The following CDH8 variants were observed in gnomAD, a reference collection of about 807,000 sequenced individuals.
The protein encoded by CDH8 is cadherin 8.
CDH8 carries 17 observed loss-of-function variants against 68.1 expected under a neutral mutation model. The ratio of observed to expected loss-of-function variants is 0.25; its 90% CI spans 0.17 to 0.37. The LOEUF is 0.37. CDH8 is among the 10% of genes least tolerant of loss of function. The probability of loss-of-function intolerance (pLI) is 1.00; values close to 1 mark genes in which losing one functional copy is unlikely to be tolerated. For missense variants in CDH8, 763 were observed against 999.3 expected, an observed-to-expected ratio of 0.76 and a Z score of 3.19; for synonymous variants, 372 against 365.1, an observed-to-expected ratio of 1.02 and a Z score of -0.21.
At chr16:61,844,512 T>C (rs1447385972) in intron 4 of CDH8, among the ~76,000 whole-genome samples, 1 of 152,252 alleles carries the variant, frequency 6.6e-6, no homozygotes, top group Non-Finnish European at 1.5e-5. Context: ...TTACTTTAGA[T>C]GACAGTCCTC....
At chr16:61,961,325 A>G (rs78698290) in intron 2 of CDH8, among the ~76,000 whole-genome samples, 1 of 152,034 alleles carries the variant, frequency 6.6e-6, no homozygotes, top group Non-Finnish European at 1.5e-5. Flanking sequence ...AAAAAAAAAA[A>G]GAACATGAAT....
At chr16:61,839,536 TA>T (rs1210105974) in intron 4 of CDH8, among the ~76,000 whole-genome samples, 6 of 152,264 alleles carry the variant, frequency 3.9e-5, no homozygotes, top group African/African-American at 1.2e-4. Context: ...AGACAGATGA[TA>T]AATGAATTAA....
intron 2 of CDH8, among the ~76,000 whole-genome samples, chr16:61,911,312 A>T (rs148461890): frequency 6.6e-6 from 1 of 152,252 alleles, no homozygotes; most frequent in African/African-American, 2.4e-5. Context: ...GCGATTACTA[A>T]CTAAATGAGA....
At chr16:61,891,143 G>A (rs954312871) in intron 3 of CDH8, among the ~76,000 whole-genome samples, 2 of 152,008 alleles carry the variant, frequency 1.3e-5, no homozygotes, top group African/African-American at 4.8e-5. Flanking sequence ...GATCAGGGAT[G>A]TGGAATTATC....
At chr16:62,015,005 C>A (rs1455234552) in intron 2 of CDH8, among the ~76,000 whole-genome samples, 2 of 151,260 alleles carry the variant, frequency 1.3e-5, no homozygotes, top group East Asian at 2.0e-4. Flanking sequence ...GTTACATATA[C>A]CCCCCCACCA....
intron 4 of CDH8, among the ~76,000 whole-genome samples, chr16:61,836,080 G>T (rs1962562062): frequency 6.6e-6 from 1 of 151,858 alleles, no homozygotes; most frequent in Non-Finnish European, 1.5e-5. Flanking sequence ...TAATTGAATT[G>T]ATCTTATCCC....
chr16:61,727,292 T>A lies in CDH8; in HGVS notation c.1415-77A>T, dbSNP rs755267462. The stretch of plus-strand genomic sequence containing the variant: ...GCAACTCAACTTTCTCTTGAAAGCA[T>A]GTGTGTCTGTTTCCAACTTCCCTTA... On this transcript the variant is annotated intron_variant, in intron 8 of 11. Transcript: ENST00000577390. 1.4e-4 allele frequency: 200 copies of A among 1,427,312 alleles called. 1 individual carries two copies. Among genetic ancestry groups the A allele is most frequent in the Non-Finnish European group, 1.8e-4 (187 of 1,050,164 alleles). 88.4% of individuals were successfully genotyped at this position (1,427,312 alleles called of 1,614,324 possible).
chr16:61,983,311 A>G (rs2150584036), intron 2 of CDH8, among the ~76,000 whole-genome samples: 2 of 152,374 alleles, frequency 1.3e-5, no homozygotes, highest in South Asian at 4.1e-4. Flanking sequence ...AAGAATGGCA[A>G]GGCAATACCA....
At position 61,650,398 on chromosome 16, in the gene CDH8, G is replaced by C. The variant is rs1254978391; in HGVS notation, c.*3210C>G. ...AGAGGGAGATAACTTTGTCTCACTTGGCTCCAACTTAATCATTCTTCTCTA... is the reference window on the plus strand; with the variant it reads ...AGAGGGAGATAACTTTGTCTCACTTCGCTCCAACTTAATCATTCTTCTCTA... On this transcript the variant is annotated 3_prime_UTR_variant, in exon 12 of 12. Coordinates refer to ENST00000577390, the MANE Select transcript of CDH8 (RefSeq NM_001796.5). 1 of 152,006 alleles carries C rather than the reference G, an allele frequency of 6.6e-6. No individual in the cohort carries two copies. The highest frequency in any genetic ancestry group is 2.4e-5 in the African/African-American group (1 of 41,410). The allele number at this position is 152,006 out of a possible 1,614,324, so 9.4% of individuals were successfully genotyped here.
chr16:61,923,064 G>C (rs1409732778), intron 2 of CDH8, among the ~76,000 whole-genome samples: 1 of 152,078 alleles, frequency 6.6e-6, no homozygotes, highest in Non-Finnish European at 1.5e-5. Flanking sequence ...TCTAACAGTT[G>C]AGAAATGAAT....
intron 2 of CDH8, among the ~76,000 whole-genome samples, chr16:61,969,430 G>C (rs1001047261): frequency 6.6e-6 from 1 of 152,138 alleles, no homozygotes; most frequent in African/African-American, 2.4e-5. Context: ...TGAAATCCAT[G>C]ACAGAATATC....
chr16:61,702,749 A>G (rs2142851908), intron 10 of CDH8, among the ~76,000 whole-genome samples: 1 of 152,348 alleles, frequency 6.6e-6, no homozygotes, highest in South Asian at 2.1e-4. Flanking sequence ...TACTGAGCAA[A>G]TGTTCTGGGA....
At chr16:61,690,935 T>C (rs1044599917) in intron 10 of CDH8, among the ~76,000 whole-genome samples, 4 of 151,940 alleles carry the variant, frequency 2.6e-5, no homozygotes, top group African/African-American at 9.7e-5. Context: ...TTACTCAAAA[T>C]CTCCCTGAGT....
intron 7 of CDH8, among the ~76,000 whole-genome samples, chr16:61,809,217 C>T (rs1243188521): frequency 6.6e-6 from 1 of 150,694 alleles, no homozygotes. Context: ...TAAAAAAAAA[C>T]AAAAAAAGTA....
chr16:61,889,085 A>G (rs921621830), intron 3 of CDH8, among the ~76,000 whole-genome samples: 5 of 152,148 alleles, frequency 3.3e-5, no homozygotes, highest in Non-Finnish European at 5.9e-5. Context: ...TAGGATGGGG[A>G]TGTATATGAG....
intron 10 of CDH8, among the ~76,000 whole-genome samples, chr16:61,662,783 G>A (rs1209591430): frequency 1.3e-5 from 2 of 151,764 alleles, no homozygotes; most frequent in Non-Finnish European, 2.9e-5. Context: ...TAAATACTAT[G>A]CCATTTTATG....
chr16:61,819,834 A>C (rs767071007), intron 6 of CDH8, among the ~76,000 whole-genome samples: 2 of 152,072 alleles, frequency 1.3e-5, no homozygotes, highest in Non-Finnish European at 2.9e-5. Context: ...TCCACCAACT[A>C]CCTTATTTGA....
chr16:61,657,286 A>G (rs1286337407), intron 10 of CDH8, among the ~76,000 whole-genome samples: 1 of 152,132 alleles, frequency 6.6e-6, no homozygotes, highest in African/African-American at 2.4e-5. Context: ...CCAAAAATTG[A>G]TAGCCATTCT....
intron 2 of CDH8, among the ~76,000 whole-genome samples, chr16:61,919,521 GA>G (rs936578461): frequency 5.4e-5 from 8 of 148,836 alleles, no homozygotes; most frequent in African/African-American, 2.0e-4. Flanking sequence ...GAAGAATGCA[GA>G]AGCCTCAGGA....
Sources: allele counts gnomAD v4.1 joint callset (sites outside exome capture counted in the v4.1 genomes callset), GRCh38; gene constraint gnomAD v4.1.1; transcripts MANE v1.5; gene names NCBI Gene and HGNC (gene_info 2026-07-23, HGNC 2026-07-21).